DNER: variants seen among roughly 807,000 people sequenced by gnomAD.
The protein encoded by DNER is delta/notch like EGF repeat containing.
DNER carries 33 observed loss-of-function variants against 78.2 expected under a neutral mutation model. That is an observed-to-expected ratio of 0.42 (90% confidence interval 0.32 to 0.56). DNER has a LOEUF of 0.56. DNER is among the 20% of genes least tolerant of loss of function. The probability of loss-of-function intolerance (pLI) is 0.11; values close to 1 mark genes in which losing one functional copy is unlikely to be tolerated. For missense variants in DNER, 918 were observed against 975.3 expected (o/e 0.94, Z 0.78); for synonymous variants, 417 against 384.8 (o/e 1.08, Z -0.98).
chr2:229,515,639 A>ATTTTTTTTTTTTT (rs1162899815), intron 5 of DNER, among the ~76,000 whole-genome samples: 1 of 71,538 alleles, frequency 1.4e-5, no homozygotes. Flanking sequence ...AGTTAGCTTT[A>ATTTTTTTTTTTTT]TTTTTTTATT....
intron 4 of DNER, among the ~76,000 whole-genome samples, chr2:229,565,388 T>C (rs1697085185): frequency 6.6e-6 from 1 of 152,192 alleles, no homozygotes; most frequent in Admixed American, 6.5e-5. Flanking sequence ...AAGTAAATGA[T>C]TTTTACTATC....
chr2:229,470,555 A>G (rs772695881), intron 7 of DNER, among the ~76,000 whole-genome samples: 3 of 152,204 alleles, frequency 2.0e-5, no homozygotes, highest in Non-Finnish European at 2.9e-5. Flanking sequence ...GCCAAACATA[A>G]AAATAAAATT....
At chr2:229,458,667 A>C (rs997584881) in intron 7 of DNER, among the ~76,000 whole-genome samples, 1 of 152,040 alleles carries the variant, frequency 6.6e-6, no homozygotes, top group Non-Finnish European at 1.5e-5. Context: ...GGCTAATATC[A>C]TACTCAATGA....
intron 11 of DNER, among the ~76,000 whole-genome samples, chr2:229,368,147 G>C (rs2106326885): frequency 6.6e-6 from 1 of 152,150 alleles, no homozygotes. Flanking sequence ...AGATTGTTTT[G>C]AGCTTAGGAG....
At chr2:229,507,073 C>T (rs6738730) in intron 6 of DNER, among the ~76,000 whole-genome samples, 12,755 of 152,146 alleles carry the variant, frequency 0.084, 1,293 homozygotes, top group African/African-American at 0.24. Context: ...CTGTAGGCAA[C>T]TGCAACACAA....
At chr2:229,582,682 C>G (rs143118111) in intron 4 of DNER, among the ~76,000 whole-genome samples, 1,963 of 152,210 alleles carry the variant, frequency 0.013, 42 homozygotes, top group African/African-American at 0.044. Flanking sequence ...CTCTGCTGCC[C>G]AGGCTAGAGT....
chr2:229,670,214 G>A (rs975994493), intron 1 of DNER, among the ~76,000 whole-genome samples: 4 of 152,220 alleles, frequency 2.6e-5, no homozygotes, highest in Non-Finnish European at 5.9e-5. Flanking sequence ...GAATGGCCCT[G>A]CAAAGAGCCA....
intron 1 of DNER, among the ~76,000 whole-genome samples, chr2:229,672,155 T>C (rs981459318): frequency 6.6e-6 from 1 of 152,148 alleles, no homozygotes; most frequent in Non-Finnish European, 1.5e-5. Flanking sequence ...TCGGCAGGAA[T>C]AGCTCATCTC....
rs143629848 is a variant in DNER, at chr2:229,496,976, T to C, written c.1147+15807A>G. Among the ~76,000 whole-genome samples the C allele has an allele frequency of 2.4e-3, 371 of 152,224 alleles. 1 individual carries two copies. Among genetic ancestry groups the C allele is most frequent in the Non-Finnish European group, 4.1e-3 (276 of 68,012 alleles). ...GACCTAACAGTTATATACAGAGCATTCCACCCAACAGCAGCAGCATATACA... is the reference window on the plus strand; with the variant it reads ...GACCTAACAGTTATATACAGAGCATCCCACCCAACAGCAGCAGCATATACA... On this transcript the variant is annotated intron_variant, in intron 6 of 12. Coordinates refer to ENST00000341772, the MANE Select transcript of DNER (RefSeq NM_139072.4).
chr2:229,604,698 C>G (rs1000825843), intron 1 of DNER, among the ~76,000 whole-genome samples: 7 of 152,148 alleles, frequency 4.6e-5, no homozygotes, highest in African/African-American at 1.7e-4. Context: ...TCTAACCTTA[C>G]TTGGAAACAG....
At chr2:229,593,512 C>G (rs894135217) in intron 1 of DNER, among the ~76,000 whole-genome samples, 1 of 152,122 alleles carries the variant, frequency 6.6e-6, no homozygotes, top group African/African-American at 2.4e-5. Context: ...GTGAGCTGCA[C>G]GAATTCAGGT....
At chr2:229,592,111 G>A (rs115549641) in intron 1 of DNER, among the ~76,000 whole-genome samples, 2,389 of 152,258 alleles carry the variant, frequency 0.016, 68 homozygotes, top group African/African-American at 0.055. Flanking sequence ...AAAATACAAA[G>A]TGGAGAGCAG....
chr2:229,662,839 A>G (rs1699030571), intron 1 of DNER, among the ~76,000 whole-genome samples: 1 of 152,242 alleles, frequency 6.6e-6, no homozygotes, highest in Non-Finnish European at 1.5e-5. Context: ...CAGAAGTGGG[A>G]AAGCCATAAG....
chr2:229,677,585 C>A (rs115496207), intron 1 of DNER, among the ~76,000 whole-genome samples: 1,996 of 152,270 alleles, frequency 0.013, 55 homozygotes, highest in African/African-American at 0.045. Context: ...CATAAATATA[C>A]CACCTTTCAC....
At chr2:229,678,419 T>C (rs1174840806) in intron 1 of DNER, among the ~76,000 whole-genome samples, 4 of 151,096 alleles carry the variant, frequency 2.6e-5, no homozygotes, top group Non-Finnish European at 5.9e-5. Flanking sequence ...CCTCAAGTTG[T>C]TGTATATTCT....
At chr2:229,593,211 C>T (rs1697640404) in intron 1 of DNER, among the ~76,000 whole-genome samples, 1 of 152,152 alleles carries the variant, frequency 6.6e-6, no homozygotes, top group African/African-American at 2.4e-5. Flanking sequence ...CCTTCTTCGG[C>T]AGACAAAGCT....
chr2:229,635,745 T>C (rs1205682200), intron 1 of DNER, among the ~76,000 whole-genome samples: 1 of 152,172 alleles, frequency 6.6e-6, no homozygotes, highest in East Asian at 1.9e-4. Context: ...TGCTGGGAAA[T>C]AATCATTATA....
At chr2:229,535,197 G>A (rs139077022) in intron 5 of DNER, among the ~76,000 whole-genome samples, 149 of 152,218 alleles carry the variant, frequency 9.8e-4, no homozygotes, top group East Asian at 3.5e-3. Context: ...TAACCCAATC[G>A]ACAAAAGCTC....
At chr2:229,588,554 G>C in intron 2 of DNER, 66 bp from the exon 3 acceptor site, 1 of 1,409,698 alleles carries the variant, frequency 7.1e-7, no homozygotes, top group South Asian at 1.2e-5. Context: ...ATGTGATAAA[G>C]CAAAATTCCA....
Sources: gnomAD v4.1 joint callset for allele counts (sites outside exome capture counted in the v4.1 genomes callset) on GRCh38, gnomAD v4.1.1 for gene constraint, MANE v1.5 for transcripts, NCBI Gene and HGNC (gene_info 2026-07-23, HGNC 2026-07-21) for gene names.